The following PLA2G4A variants were observed in gnomAD, a reference collection of about 807,000 sequenced individuals.
PLA2G4A encodes cytosolic phospholipase A2.
Under a neutral mutation model 81.9 loss-of-function variants are expected in PLA2G4A, and 40 were observed. The ratio of observed to expected loss-of-function variants is 0.49; its 90% CI spans 0.38 to 0.64. The LOEUF (loss-of-function observed/expected upper bound fraction) is 0.64, where lower values mean the gene tolerates loss of function less well. Ranked by LOEUF, PLA2G4A falls within the 30% of genes least tolerant of loss-of-function variation. PLA2G4A has a pLI of 0.00. For synonymous variants in PLA2G4A, 302 were observed against 296.9 expected (o/e 1.02, Z -0.18); for missense variants, 715 against 905.1 (o/e 0.79, Z 2.69).
chr1:186,837,754 A>AAAAAAAG (rs1558346554), intron 1 of PLA2G4A, among the ~76,000 whole-genome samples: 1 of 140,134 alleles, frequency 7.1e-6, no homozygotes, highest in East Asian at 2.0e-4. Context: ...AAAAAAAAAG[A>AAAAAAAG]AAAAGAAAAG....
chr1:186,946,614 C>T, intron 10 of PLA2G4A, 23 bp from the exon 11 acceptor site: 1 of 1,574,422 alleles, frequency 6.4e-7, no homozygotes, highest in Non-Finnish European at 8.7e-7. Flanking sequence ...TAATGGATTG[C>T]CTTGTTTTTA....
At chr1:186,972,399 T>C (rs1657386407) in intron 15 of PLA2G4A, among the ~76,000 whole-genome samples, 1 of 151,998 alleles carries the variant, frequency 6.6e-6, no homozygotes, top group South Asian at 2.1e-4. Context: ...TAAGCCAAAG[T>C]CTTCATACTC....
At chr1:186,903,058 C>T (rs563920748) in intron 5 of PLA2G4A, among the ~76,000 whole-genome samples, 2 of 152,122 alleles carry the variant, frequency 1.3e-5, no homozygotes, top group African/African-American at 2.4e-5. Context: ...CTTCCTTACA[C>T]GATTGAGGTA....
intron 7 of PLA2G4A, among the ~76,000 whole-genome samples, chr1:186,914,097 GT>G (rs10709187): frequency 0.56 from 83,720 of 149,834 alleles, 24,595 homozygotes; most frequent in African/African-American, 0.75. Flanking sequence ...GTTTTTTTGT[GT>G]TTTTTTTTTG....
At chr1:186,852,988 A>C (rs1652425985) in intron 1 of PLA2G4A, among the ~76,000 whole-genome samples, 1 of 152,016 alleles carries the variant, frequency 6.6e-6, no homozygotes, top group African/African-American at 2.4e-5. Context: ...TGATAAGATA[A>C]AAGTATTTGT....
intron 3 of PLA2G4A, among the ~76,000 whole-genome samples, chr1:186,888,784 ACT>A (rs1654027952): frequency 6.6e-6 from 1 of 150,524 alleles, no homozygotes; most frequent in Admixed American, 6.6e-5. Flanking sequence ...CTTCCCACAC[ACT>A]CTTGTATTCC....
intron 7 of PLA2G4A, among the ~76,000 whole-genome samples, chr1:186,919,646 A>T (rs1384337810): frequency 1.3e-5 from 2 of 152,138 alleles, no homozygotes; most frequent in Non-Finnish European, 2.9e-5. Context: ...GAGTAGTGAC[A>T]CCTGACTGCG....
intron 1 of PLA2G4A, among the ~76,000 whole-genome samples, chr1:186,842,254 G>A (rs1393981581): frequency 6.6e-6 from 1 of 151,952 alleles, no homozygotes; most frequent in Admixed American, 6.6e-5. Flanking sequence ...TGTTGCCCAG[G>A]CTGGTCTCAA....
chr1:186,843,788 C>T (rs1652071901), intron 1 of PLA2G4A, among the ~76,000 whole-genome samples: 1 of 152,172 alleles, frequency 6.6e-6, no homozygotes, highest in Admixed American at 6.5e-5. Context: ...TCCACTTCCT[C>T]TTACTATAGA....
intron 2 of PLA2G4A, among the ~76,000 whole-genome samples, chr1:186,858,688 A>T (rs925482967): frequency 1.4e-4 from 21 of 152,148 alleles, no homozygotes; most frequent in Non-Finnish European, 7.4e-5. Context: ...TATTTAGGCT[A>T]TAGTAATTAC....
chr1:186,841,097 C>G (rs924211669), intron 1 of PLA2G4A, among the ~76,000 whole-genome samples: 1 of 152,178 alleles, frequency 6.6e-6, no homozygotes, highest in African/African-American at 2.4e-5. Context: ...TCTGAAAATG[C>G]ACATCATATA....
chr1:186,841,058 A>T (rs1258584832), intron 1 of PLA2G4A, among the ~76,000 whole-genome samples: 8 of 152,254 alleles, frequency 5.3e-5, no homozygotes, highest in Non-Finnish European at 1.2e-4. Flanking sequence ...TCTTTTAAGT[A>T]GAAGTCAGAA....
intron 3 of PLA2G4A, among the ~76,000 whole-genome samples, chr1:186,887,031 T>C (rs139907164): frequency 4.2e-4 from 64 of 152,302 alleles, no homozygotes; most frequent in African/African-American, 1.5e-3. Flanking sequence ...TTCTGCATTT[T>C]TAACGGCACT....
intron 1 of PLA2G4A, among the ~76,000 whole-genome samples, chr1:186,845,248 TA>T (rs1214373173): frequency 6.6e-6 from 1 of 152,028 alleles, no homozygotes; most frequent in Non-Finnish European, 1.5e-5. Flanking sequence ...TCTATAGAAT[TA>T]AATACTTGTG....
intron 1 of PLA2G4A, among the ~76,000 whole-genome samples, chr1:186,851,241 A>T (rs985142192): frequency 2.6e-5 from 4 of 152,000 alleles, no homozygotes; most frequent in African/African-American, 9.7e-5. Flanking sequence ...TCCTACATAG[A>T]CATTTCAGCT....
chr1:186,864,678 ATTGAG>A (rs533005270), intron 2 of PLA2G4A, among the ~76,000 whole-genome samples: 77 of 134,348 alleles, frequency 5.7e-4, no homozygotes, highest in Admixed American at 4.2e-3. Flanking sequence ...TTATTTTGTT[ATTGAG>A]TTGAGTTCCT....
At chr1:186,982,606 C>T (rs961027706) in intron 17 of PLA2G4A, among the ~76,000 whole-genome samples, 11 of 152,058 alleles carry the variant, frequency 7.2e-5, no homozygotes, top group African/African-American at 2.7e-4. Context: ...TCTGAATGAA[C>T]AAATGAAGGT....
intron 13 of PLA2G4A, among the ~76,000 whole-genome samples, chr1:186,954,370 C>T (rs1380571905): frequency 2.0e-5 from 3 of 152,062 alleles, no homozygotes; most frequent in Non-Finnish European, 4.4e-5. Context: ...TATTCTCACT[C>T]ATAGGTGGGA....
At position 186,893,060 on chromosome 1, in the gene PLA2G4A, C is replaced by T. The variant is rs1200427496; in HGVS notation, c.165C>T (p.Asp55=). ...YVELFISTTP[D]SRKRTRHFNN... is the part of the protein sequence containing the mutation. Reference sequence around the variant, plus strand: ...AACTTTTTATCTCTACAACCCCTGACAGCAGGAAGAGAACAAGACATTTCA... The same window carrying T: ...AACTTTTTATCTCTACAACCCCTGATAGCAGGAAGAGAACAAGACATTTCA... Residue 55 remains aspartate, a synonymous_variant, in exon 4 of 18, where the codon GAC becomes GAT. Coordinates refer to ENST00000367466, the MANE Select transcript of PLA2G4A (RefSeq NM_024420.3). 2 of 1,609,038 alleles carry T rather than the reference C, an allele frequency of 1.2e-6. No individual in the cohort carries two copies. Among genetic ancestry groups the T allele is most frequent in the African/African-American group, 2.7e-5 (2 of 74,930 alleles).
Sources: allele counts gnomAD v4.1 joint callset (sites outside exome capture counted in the v4.1 genomes callset), GRCh38; gene constraint gnomAD v4.1.1; transcripts MANE v1.5; gene names NCBI Gene and HGNC (gene_info 2026-07-23, HGNC 2026-07-21).